Variants in MAP2K4 observed in about 807,000 individuals in gnomAD.
MAP2K4 encodes the protein mitogen-activated protein kinase kinase 4, also known as dual specificity mitogen-activated protein kinase kinase 4.
In MAP2K4, 4 loss-of-function variants were observed where a neutral mutation model predicts 48.5. The ratio of observed to expected loss-of-function variants is 0.08; its 90% CI spans 0.04 to 0.19. The LOEUF (loss-of-function observed/expected upper bound fraction) is 0.19. Ranked by LOEUF, MAP2K4 falls within the 10% of genes least tolerant of loss-of-function variation. The pLI, the probability that MAP2K4 is intolerant of heterozygous loss-of-function variation, is 1.00. For synonymous variants in MAP2K4, 166 were observed against 173.1 expected, an observed-to-expected ratio of 0.96 and a Z score of 0.32; for missense variants, 258 against 493.3, an observed-to-expected ratio of 0.52 and a Z score of 4.52.
chr17:12,091,662 C>T (rs1344848163), intron 3 of MAP2K4, among the ~76,000 whole-genome samples: 1 of 152,034 alleles, frequency 6.6e-6, no homozygotes, highest in Non-Finnish European at 1.5e-5. Flanking sequence ...AAGTGACTCT[C>T]AATTGGAGTG....
intron 1 of MAP2K4, among the ~76,000 whole-genome samples, chr17:12,052,795 G>T (rs1970182213): frequency 6.6e-6 from 1 of 152,092 alleles, no homozygotes; most frequent in African/African-American, 2.4e-5. Flanking sequence ...TAAACGATTT[G>T]CCATATTAAG....
chr17:12,108,707 C>G (rs1972207839), intron 5 of MAP2K4, among the ~76,000 whole-genome samples: 1 of 151,904 alleles, frequency 6.6e-6, no homozygotes, highest in Non-Finnish European at 1.5e-5. Flanking sequence ...AAAATAGATA[C>G]TTTGGTTGCA....
intron 3 of MAP2K4, among the ~76,000 whole-genome samples, chr17:12,089,465 C>T (rs912757666): frequency 6.6e-6 from 1 of 152,134 alleles, no homozygotes; most frequent in Non-Finnish European, 1.5e-5. Context: ...TAATTGGTGC[C>T]TGGAAGAATC....
intron 5 of MAP2K4, among the ~76,000 whole-genome samples, chr17:12,109,539 G>A (rs1227000079): frequency 2.6e-5 from 4 of 152,108 alleles, no homozygotes; most frequent in Non-Finnish European, 5.9e-5. Context: ...TTTAGTTTGA[G>A]GTTGTGTCTC....
At chr17:12,093,336 G>A (rs1351876944) in intron 3 of MAP2K4, among the ~76,000 whole-genome samples, 1 of 152,182 alleles carries the variant, frequency 6.6e-6, no homozygotes, top group Admixed American at 6.5e-5. Context: ...AATTCTGTCA[G>A]AGATTGTCTC....
At chr17:12,102,192 A>G (rs1374924484) in intron 4 of MAP2K4, among the ~76,000 whole-genome samples, 1 of 151,960 alleles carries the variant, frequency 6.6e-6, no homozygotes, top group African/African-American at 2.4e-5. Flanking sequence ...TTTTACTCCT[A>G]GTTTGCTGAG....
intron 2 of MAP2K4, among the ~76,000 whole-genome samples, chr17:12,063,914 G>GT (rs1186994901): frequency 4.2e-5 from 6 of 143,554 alleles, no homozygotes; most frequent in African/African-American, 1.5e-4. Flanking sequence ...GGAGGTTGCC[G>GT]TAAGTAGAGA....
chr17:12,030,425 T>C (rs1017319676), intron 1 of MAP2K4, among the ~76,000 whole-genome samples: 1 of 152,142 alleles, frequency 6.6e-6, no homozygotes, highest in Non-Finnish European at 1.5e-5. Context: ...AAAGAACAAG[T>C]CTATACTTAT....
intron 8 of MAP2K4, 106 bp downstream of exon 8, chr17:12,125,477 C>G: frequency 1.2e-6 from 1 of 854,406 alleles, no homozygotes; most frequent in Admixed American, 1.9e-5. Flanking sequence ...ACTATAATCA[C>G]AGACACTATG....
intron 1 of MAP2K4, 48 bp from the exon 2 acceptor site, chr17:12,054,841 C>G (rs1255620305): frequency 1.7e-6 from 2 of 1,211,896 alleles, no homozygotes; most frequent in Non-Finnish European, 1.2e-6. Flanking sequence ...AGAATAGTAC[C>G]TGTTTTGTAG....
intron 4 of MAP2K4, among the ~76,000 whole-genome samples, chr17:12,099,990 C>T (rs564187694): frequency 6.6e-6 from 1 of 152,158 alleles, no homozygotes; most frequent in African/African-American, 2.4e-5. Context: ...GTTACCTCCC[C>T]CTTTTTTATC....
At chr17:12,084,794 G>A (rs1971305203) in intron 3 of MAP2K4, among the ~76,000 whole-genome samples, 3 of 152,176 alleles carry the variant, frequency 2.0e-5, no homozygotes, top group Admixed American at 2.0e-4. Flanking sequence ...GTAAAGCCCA[G>A]AGTTCAGACC....
intron 2 of MAP2K4, among the ~76,000 whole-genome samples, chr17:12,067,785 A>G (rs1970664734): frequency 6.6e-6 from 1 of 152,204 alleles, no homozygotes; most frequent in Non-Finnish European, 1.5e-5. Flanking sequence ...GCCATCTGCT[A>G]GTTACTATGG....
At chr17:12,074,542 A>C (rs2151542744) in intron 2 of MAP2K4, among the ~76,000 whole-genome samples, 1 of 152,372 alleles carries the variant, frequency 6.6e-6, no homozygotes, top group Non-Finnish European at 1.5e-5. Flanking sequence ...GGCTAAGAAT[A>C]GGAGCTGCCT....
intron 4 of MAP2K4, among the ~76,000 whole-genome samples, chr17:12,102,058 A>C (rs1311795560): frequency 6.6e-6 from 1 of 152,102 alleles, no homozygotes; most frequent in Non-Finnish European, 1.5e-5. Flanking sequence ...ATACAGTGAG[A>C]GTAGACATCC....
intron 1 of MAP2K4, chr17:12,026,818 C>G (rs1010190390): frequency 6.6e-6 from 1 of 152,160 alleles, no homozygotes; most frequent in Non-Finnish European, 1.5e-5. Context: ...GATTTTGGAG[C>G]CTTGGTGCTC....
At chr17:12,103,836 G>A (rs1429669126) in intron 4 of MAP2K4, among the ~76,000 whole-genome samples, 24 of 152,004 alleles carry the variant, frequency 1.6e-4, no homozygotes, top group East Asian at 1.9e-4. Context: ...ATATAGATTC[G>A]TAATATACAG....
chr17:12,040,644 T>C (rs1969748765), intron 1 of MAP2K4, among the ~76,000 whole-genome samples: 1 of 152,210 alleles, frequency 6.6e-6, no homozygotes. Context: ...TGTTCAGTGC[T>C]TAGAATGCTC....
At chr17:12,125,036 G>A (rs1221865534) in intron 7 of MAP2K4, 4 of 425,924 alleles carry the variant, frequency 9.4e-6, no homozygotes, top group Non-Finnish European at 1.7e-5. Flanking sequence ...CTCAGCTTCA[G>A]CTTTGTAAAT....
Sources: gnomAD v4.1 joint callset for allele counts (sites outside exome capture counted in the v4.1 genomes callset) on GRCh38, gnomAD v4.1.1 for gene constraint, MANE v1.5 for transcripts, NCBI Gene and HGNC (gene_info 2026-07-23, HGNC 2026-07-21) for gene names.